Variants in ATP2C1 observed in about 807,000 individuals in gnomAD.
ATP2C1 encodes calcium-transporting ATPase type 2C member 1.
In ATP2C1, 31 loss-of-function variants were observed where a neutral mutation model predicts 120.5. That is an observed-to-expected ratio of 0.26 (90% CI 0.19 to 0.35). ATP2C1 has a LOEUF of 0.35. Among genes scored for constraint, ATP2C1 ranks in the 10% least tolerant of loss-of-function variants. ATP2C1 has a pLI of 1.00. For missense variants in ATP2C1, 731 were observed against 1,107.5 expected (o/e 0.66, Z 4.83); for synonymous variants, 351 against 358.7 (o/e 0.98, Z 0.24).
chr3:130,969,864 AC>A (rs1299538494), intron 17 of ATP2C1, among the ~76,000 whole-genome samples: 1 of 152,220 alleles, frequency 6.6e-6, no homozygotes, highest in African/African-American at 2.4e-5. Context: ...TTACAAGCTG[AC>A]AAAATGACAT....
chr3:130,968,530 A>C (rs1210958069), intron 16 of ATP2C1, among the ~76,000 whole-genome samples: 1 of 152,152 alleles, frequency 6.6e-6, no homozygotes, highest in Admixed American at 6.5e-5. Context: ...ACTAAAGTAG[A>C]AGTAGAGAGG....
rs765779646 is a variant in ATP2C1 at position 130,970,406 on chromosome 3, A to ACACACACACC, written c.1413+1011_1413+1012insACACACACCC. 2.8e-3 allele frequency among the ~76,000 whole-genome samples: 414 copies of ACACACACACC among 147,966 alleles called. 6 individuals carry two copies. The highest frequency in any genetic ancestry group is 9.4e-3 in the African/African-American group (369 of 39,276). ...CACACACACACACACACACACACAC[A>ACACACACACC]CCCTTAAACTTTCCTTCACTCTTTT... On this transcript the variant is annotated intron_variant, in intron 17 of 27. Transcript: ENST00000510168.
Position 130,941,645 on chromosome 3 carries a change from T to C in ATP2C1, c.477T>C (p.Asp159=). Reference sequence around the variant, plus strand: ...TTGCCCGAGACTTGGTTCCAGGTGATACAGTTTGCCTTTCTGTTGGGGATA... The same window carrying C: ...TTGCCCGAGACTTGGTTCCAGGTGACACAGTTTGCCTTTCTGTTGGGGATA... ...HTLARDLVPG[D]TVCLSVGDRV... Residue 159 remains aspartate, a synonymous_variant, in exon 8 of 28, where the codon GAT becomes GAC. Coordinates refer to ENST00000510168, the MANE Select transcript of ATP2C1 (RefSeq NM_001378687.1). The C allele has an allele frequency of 6.2e-7, 1 of 1,614,156 alleles. No homozygotes were observed. The highest frequency in any genetic ancestry group is 8.5e-7 in the Non-Finnish European group (1 of 1,180,020).
chr3:131,016,391 T>C, exon 27 of ATP2C1: 1 of 1,588,978 alleles, frequency 6.3e-7, no homozygotes, highest in East Asian at 2.2e-5. Flanking sequence ...CTGTAACAGC[T>C]TTTCATTTTC....
chr3:130,974,057 G>A (rs991657091), intron 17 of ATP2C1, among the ~76,000 whole-genome samples: 5 of 152,022 alleles, frequency 3.3e-5, no homozygotes, highest in East Asian at 1.9e-4. Flanking sequence ...GAAGGAGGGT[G>A]GTCTCCAGTA....
intron 8 of ATP2C1, among the ~76,000 whole-genome samples, chr3:130,950,513 T>G (rs951378714): frequency 1.3e-5 from 2 of 152,192 alleles, no homozygotes; most frequent in African/African-American, 4.8e-5. Context: ...ATTTATTAAA[T>G]TCCACCTTTT....
At chr3:130,885,893 GGTTT>G (rs1448910334) in intron 1 of ATP2C1, among the ~76,000 whole-genome samples, 1 of 152,062 alleles carries the variant, frequency 6.6e-6, no homozygotes, top group African/African-American at 2.4e-5. Flanking sequence ...TACACGTGAA[GGTTT>G]GTTACATAGA....
chr3:130,961,137 GT>G (rs1303026510), intron 12 of ATP2C1, among the ~76,000 whole-genome samples: 1 of 151,528 alleles, frequency 6.6e-6, no homozygotes, highest in Non-Finnish European at 1.5e-5. Flanking sequence ...TTAAATTTGT[GT>G]TTAAAAACGC....
intron 20 of ATP2C1, among the ~76,000 whole-genome samples, chr3:130,986,977 T>C (rs1006093609): frequency 1.4e-4 from 21 of 151,700 alleles, no homozygotes; most frequent in African/African-American, 5.1e-4. Flanking sequence ...TTTTGCTTTA[T>C]TGCCCAGACT....
At chr3:130,870,420 G>A (rs1261226970) in intron 1 of ATP2C1, among the ~76,000 whole-genome samples, 5 of 152,198 alleles carry the variant, frequency 3.3e-5, no homozygotes, top group Non-Finnish European at 1.5e-5. Flanking sequence ...AAACTTTCCA[G>A]AGAGGATTCA....
chr3:130,944,173 G>A (rs2060037952), intron 8 of ATP2C1, among the ~76,000 whole-genome samples: 1 of 152,154 alleles, frequency 6.6e-6, no homozygotes, highest in Admixed American at 6.5e-5. Context: ...AGCCACAGTT[G>A]CAACTTTAGT....
chr3:130,878,980 G>A (rs2068695412), intron 1 of ATP2C1, among the ~76,000 whole-genome samples: 1 of 151,878 alleles, frequency 6.6e-6, no homozygotes, highest in East Asian at 1.9e-4. Context: ...CTTTCTGTTG[G>A]GACCATTCAA....
intron 1 of ATP2C1, among the ~76,000 whole-genome samples, chr3:130,886,697 T>G (rs2068980456): frequency 6.6e-6 from 1 of 152,086 alleles, no homozygotes; most frequent in African/African-American, 2.4e-5. Context: ...TCTTTTTAAC[T>G]ATTTCAATTT....
intron 1 of ATP2C1, among the ~76,000 whole-genome samples, chr3:130,884,023 C>A (rs1392501459): frequency 6.8e-6 from 1 of 147,798 alleles, no homozygotes. Flanking sequence ...CTCACTGCAA[C>A]CTCCGCCTCT....
At chr3:130,941,363 C>G (rs535324085) in intron 7 of ATP2C1, among the ~76,000 whole-genome samples, 1 of 151,766 alleles carries the variant, frequency 6.6e-6, no homozygotes, top group South Asian at 2.1e-4. Flanking sequence ...TCAAACAGAC[C>G]CAGGTGATTC....
chr3:130,895,519 C>T (rs1178783591), intron 2 of ATP2C1, among the ~76,000 whole-genome samples: 1 of 152,164 alleles, frequency 6.6e-6, no homozygotes, highest in African/African-American at 2.4e-5. Flanking sequence ...TTTTCCCCCT[C>T]CTGAAACAAC....
chr3:131,014,068 T>TG, intron 26 of ATP2C1: 1 of 1,582,946 alleles, frequency 6.3e-7, no homozygotes, highest in East Asian at 2.2e-5. Flanking sequence ...TATTCAATGT[T>TG]GGAGGCCTCA....
downstream of ATP2C1, among the ~76,000 whole-genome samples, chr3:131,007,830 A>G (rs2063173639): frequency 6.6e-6 from 1 of 152,214 alleles, no homozygotes; most frequent in Admixed American, 6.5e-5. Flanking sequence ...GAAACACGTG[A>G]TATGTGCATC....
At chr3:130,961,811 CA>C (rs775142281) in intron 12 of ATP2C1, among the ~76,000 whole-genome samples, 1 of 151,916 alleles carries the variant, frequency 6.6e-6, no homozygotes, top group Non-Finnish European at 1.5e-5. Flanking sequence ...AATTATTAGA[CA>C]AATCAGAAGA....
Sources: allele counts gnomAD v4.1 joint callset (sites outside exome capture counted in the v4.1 genomes callset), GRCh38; gene constraint gnomAD v4.1.1; transcripts MANE v1.5; gene names NCBI Gene and HGNC (gene_info 2026-07-23, HGNC 2026-07-21).